The following MAP3K5 variants were observed in gnomAD, a reference collection of about 807,000 sequenced individuals.
MAP3K5 encodes ASK-1.
Under a neutral mutation model 158.7 loss-of-function variants are expected in MAP3K5, and 56 were observed. The observed-to-expected ratio is 0.35, with a 90% CI of 0.28 to 0.44. MAP3K5 has a LOEUF of 0.44. Among genes scored for constraint, MAP3K5 ranks in the 20% least tolerant of loss-of-function variants. MAP3K5 has a pLI of 1.00. For missense variants in MAP3K5, 1,294 were observed against 1,674.8 expected (o/e 0.77, Z 3.97); for synonymous variants, 579 against 601.7 (o/e 0.96, Z 0.55).
chr6:136,747,125 TG>T (rs937040261), intron 1 of MAP3K5, among the ~76,000 whole-genome samples: 1 of 152,186 alleles, frequency 6.6e-6, no homozygotes, highest in African/African-American at 2.4e-5. Context: ...CTTGCTACAT[TG>T]CCCAGGCTGG....
Position 136,706,143 on chromosome 6 carries a change from G to A in MAP3K5, c.589-1010C>T, listed in dbSNP as rs145489625. ...CATGGTGGCACATGACTGCATGACT[G>A]TAATCCCAGCTACTCAGGAGGCTGA... On this transcript the variant is annotated intron_variant, in intron 2 of 29. Transcript: ENST00000359015. 5.8e-3 allele frequency among the ~76,000 whole-genome samples: 889 copies of A among 152,196 alleles called. 30 individuals are homozygous for A. The highest frequency in any genetic ancestry group is 0.053 in the Admixed American group (817 of 15,274).
At chr6:136,640,135 A>T (rs1013319099) in intron 12 of MAP3K5, among the ~76,000 whole-genome samples, 1 of 152,240 alleles carries the variant, frequency 6.6e-6, no homozygotes, top group African/African-American at 2.4e-5. Context: ...GTTAGGACTC[A>T]GTGAGTGGCT....
rs969217793 is a variant in MAP3K5, at chr6:136,583,726, C to T, written c.3240G>A (p.Pro1080=). The T allele has an allele frequency of 6.8e-6, 11 of 1,613,940 alleles. No homozygotes were observed. Among genetic ancestry groups the T allele is most frequent in the Middle Eastern group, 1.7e-4 (1 of 6,060 alleles). Residue 1080 remains proline, a synonymous_variant, in exon 24 of 30, where the codon CCG becomes CCA. Transcript: ENST00000359015. ...MESLAQGAEE[P]KLKWEHITTL... ...TTGTGATGTGTTCCCATTTTAGTTT[C>T]GGTTCTTCAGCCCCCTGTGAATAAA...
Position 136,561,609 on chromosome 6 carries a change from G to A in MAP3K5, c.3911C>T (p.Ser1304Phe), listed in dbSNP as rs1470398244. The A allele has an allele frequency of 6.2e-7, 1 of 1,613,394 alleles. No homozygotes were observed. Among genetic ancestry groups the A allele is most frequent in the Admixed American group, 1.7e-5 (1 of 60,030 alleles). The change falls in exon 28 of 30, where the codon TCT becomes TTT. Residue 1304 changes from serine to phenylalanine, a missense_variant. Around this residue, in one of 5 missense-constraint regions of MAP3K5, gnomAD observed 199 missense variants for 220.3 expected, o/e 0.90. Coordinates refer to ENST00000359015, the MANE Select transcript of MAP3K5 (RefSeq NM_005923.4). ...TTCAGAATCTTCAGTATTTGTGCCA[G>A]AAGAATTTAGATGAAATACAGGCAA... Reference protein sequence around the residue: ...PELPVFHLNSSGTNTEDSELT... With the variant: ...PELPVFHLNSFGTNTEDSELT...
At chr6:136,653,108 G>A (rs562338309) in intron 10 of MAP3K5, among the ~76,000 whole-genome samples, 8 of 152,148 alleles carry the variant, frequency 5.3e-5, no homozygotes, top group Non-Finnish European at 1.0e-4. Flanking sequence ...TTTCTACAGG[G>A]TCTTTGAAGT....
intron 1 of MAP3K5, among the ~76,000 whole-genome samples, chr6:136,781,066 T>TATTC (rs1451316970): frequency 2.0e-5 from 3 of 152,198 alleles, no homozygotes; most frequent in Admixed American, 1.3e-4. Flanking sequence ...TGCTATCACA[T>TATTC]TAAGGGAAAC....
intron 7 of MAP3K5, among the ~76,000 whole-genome samples, chr6:136,686,777 CACAA>C (rs1226552619): frequency 2.6e-5 from 4 of 152,058 alleles, no homozygotes; most frequent in Non-Finnish European, 5.9e-5. Context: ...TAAGAGAGGG[CACAA>C]ACAAATGGAA....
At chr6:136,705,200 G>T in intron 2 of MAP3K5, 67 bp from the exon 3 acceptor site, 3 of 732,562 alleles carry the variant, frequency 4.1e-6, no homozygotes, top group South Asian at 1.9e-5. Flanking sequence ...AACATTTATT[G>T]AACTATGTGG....
chr6:136,661,570 T>C (rs185476984), intron 8 of MAP3K5, among the ~76,000 whole-genome samples: 1 of 152,038 alleles, frequency 6.6e-6, no homozygotes, highest in South Asian at 2.1e-4. Flanking sequence ...TAAATTTTGT[T>C]TTTTTTTCCT....
Position 136,653,149 on chromosome 6 carries a change from G to A in MAP3K5, c.1681-2058C>T, listed in dbSNP as rs374377614. Among the ~76,000 whole-genome samples the A allele has an allele frequency of 9.2e-5, 14 of 152,216 alleles. No individual in the cohort carries two copies. In the East Asian group the frequency reaches 1.5e-3, roughly 17 times the overall value. On this transcript the variant is annotated intron_variant, in intron 10 of 29. Coordinates refer to ENST00000359015, the MANE Select transcript of MAP3K5 (RefSeq NM_005923.4). ...ACGTCTCTCCTTCCTCTTTCCCGAC[G>A]TTAGATAATGAGTTGATGGTCTCCA...
chr6:136,680,565 TATTTCAAAGCTCTTGATGCACAATAC>T (rs1779890598), intron 7 of MAP3K5, among the ~76,000 whole-genome samples: 1 of 152,208 alleles, frequency 6.6e-6, no homozygotes, highest in African/African-American at 2.4e-5. Context: ...GAACATGAAT[TATTTCAAAGCTCTTGATGCACAATAC>T]CAAACTGCTT....
intron 1 of MAP3K5, among the ~76,000 whole-genome samples, chr6:136,769,837 A>AC (rs1784126146): frequency 3.7e-5 from 1 of 27,168 alleles, no homozygotes; most frequent in African/African-American, 1.7e-4. Flanking sequence ...GAGGGAAGGG[A>AC]GGGAGGGAGG....
intron 19 of MAP3K5, among the ~76,000 whole-genome samples, chr6:136,604,433 AT>A (rs201811715): frequency 6.6e-5 from 10 of 151,674 alleles, no homozygotes; most frequent in South Asian, 2.1e-4. Context: ...TAAATAAATA[AT>A]TTTTTTTTAA....
intron 28 of MAP3K5, 58 bp downstream of exon 28, chr6:136,561,475 C>T: frequency 7.9e-7 from 1 of 1,265,502 alleles, no homozygotes; most frequent in East Asian, 2.3e-5. Flanking sequence ...ACATAGCAGG[C>T]ACCCAACATT....
At chr6:136,731,905 T>C (rs1782242100) in intron 1 of MAP3K5, among the ~76,000 whole-genome samples, 2 of 152,210 alleles carry the variant, frequency 1.3e-5, no homozygotes, top group Admixed American at 1.3e-4. Flanking sequence ...GACAGAAAGA[T>C]CTAAAAGCTT....
At chr6:136,653,446 C>T (rs1167930962) in intron 10 of MAP3K5, among the ~76,000 whole-genome samples, 1 of 152,206 alleles carries the variant, frequency 6.6e-6, no homozygotes, top group Non-Finnish European at 1.5e-5. Flanking sequence ...TCCTAATCAA[C>T]ACCTACTGCA....
chr6:136,655,235 C>G (rs1212791127), intron 10 of MAP3K5, among the ~76,000 whole-genome samples: 1 of 152,196 alleles, frequency 6.6e-6, no homozygotes, highest in Non-Finnish European at 1.5e-5. Flanking sequence ...ATTCTATGTT[C>G]TCTTCTTTCA....
At chr6:136,642,030 A>AAAATAAAAATAAAAT (rs1491266433) in intron 12 of MAP3K5, among the ~76,000 whole-genome samples, 1,628 of 119,216 alleles carry the variant, frequency 0.014, 12 homozygotes, top group South Asian at 0.04. Context: ...AAAATAAAAT[A>AAAATAAAAATAAAAT]AAAATAAAAT....
intron 23 of MAP3K5, among the ~76,000 whole-genome samples, chr6:136,586,840 A>T (rs982884288): frequency 6.6e-6 from 1 of 152,140 alleles, no homozygotes; most frequent in South Asian, 2.1e-4. Flanking sequence ...GAAAAGAGAG[A>T]GTGACCTAGC....
Sources: allele counts gnomAD v4.1 joint callset (sites outside exome capture counted in the v4.1 genomes callset), GRCh38; gene constraint gnomAD v4.1.1; regional missense constraint gnomAD v4.1.1; transcripts MANE v1.5; gene names NCBI Gene and HGNC (gene_info 2026-07-23, HGNC 2026-07-21).